The following LRIG2 variants were observed in gnomAD, a reference collection of about 807,000 sequenced individuals.
LRIG2 encodes the protein leucine rich repeats and immunoglobulin like domains 2.
Under a neutral mutation model 107.8 loss-of-function variants are expected in LRIG2, and 93 were observed. That is an observed-to-expected ratio of 0.86 (90% CI 0.73 to 1.03). The LOEUF is 1.03. LRIG2 is among the 50% of genes least tolerant of loss of function. LRIG2 has a pLI of 0.00. For synonymous variants in LRIG2, 471 were observed against 470.6 expected, an observed-to-expected ratio of 1.00 and a Z score of -0.01; for missense variants, 1,226 against 1,296.0, an observed-to-expected ratio of 0.95 and a Z score of 0.83.
Position 113,107,576 on chromosome 1 carries a change from C to T in LRIG2, c.1314-18C>T. ...AAAAGTAAAACAAAGGATGCTTTTC[C>T]TCTTTTCTTTCCTGCAGGATTCTGA... On this transcript the variant is annotated intron_variant, in intron 11 of 17. Coordinates refer to ENST00000361127, the MANE Select transcript of LRIG2 (RefSeq NM_014813.3). 1.3e-6 allele frequency: 2 copies of T among 1,598,764 alleles called. No homozygotes were observed. Among genetic ancestry groups the T allele is most frequent in the Non-Finnish European group, 1.7e-6 (2 of 1,175,348 alleles).
intron 11 of LRIG2, among the ~76,000 whole-genome samples, chr1:113,104,747 C>G (rs1654460323): frequency 6.6e-6 from 1 of 152,102 alleles, no homozygotes; most frequent in Non-Finnish European, 1.5e-5. Context: ...ATAATATAAG[C>G]TGGACTCAAA....
At chr1:113,119,132 A>G in intron 16 of LRIG2, 101 bp from the exon 17 acceptor site, 1 of 1,077,494 alleles carries the variant, frequency 9.3e-7, no homozygotes. Flanking sequence ...AGTGCTCAAT[A>G]CATGCTAGCA....
rs906333054 is a variant in LRIG2, at chr1:113,110,524, G to A, written c.1760G>A (p.Gly587Asp). ...CAGTGTATTGTTACTAATCACTTTG[G>A]TTCTAATTATTCTCAGAAAGCCAAA... ...KYQCIVTNHF[G>D]SNYSQKAKLT... Residue 587 changes from glycine (G) to aspartate (D), a missense_variant, in exon 13 of 18, where the codon GGT becomes GAT. This residue lies in a region of LRIG2 where 642 missense variants were observed against 712.2 expected (regional missense o/e 0.90). Transcript: ENST00000361127. 6 of 1,611,300 alleles carry A rather than the reference G, an allele frequency of 3.7e-6. No individual in the cohort carries two copies. The highest frequency in any genetic ancestry group is 5.1e-6 in the Non-Finnish European group (6 of 1,177,694).
intron 11 of LRIG2, among the ~76,000 whole-genome samples, chr1:113,105,414 T>C (rs1255373358): frequency 1.3e-5 from 2 of 152,198 alleles, no homozygotes; most frequent in African/African-American, 4.8e-5. Flanking sequence ...AGTGGTACTT[T>C]CTAATTTTCT....
chr1:113,096,417 A>G (rs1654072893), intron 8 of LRIG2, 52 bp downstream of exon 8: 2 of 1,548,602 alleles, frequency 1.3e-6, no homozygotes, highest in South Asian at 1.2e-5. Flanking sequence ...TTTTTAGTAC[A>G]ATAAAGCAAA....
chr1:113,074,259 A>G (rs1308390357), intron 1 of LRIG2, among the ~76,000 whole-genome samples: 2 of 152,232 alleles, frequency 1.3e-5, no homozygotes, highest in African/African-American at 4.8e-5. Context: ...TTTAAACTTC[A>G]CTGTAAAGAG....
chr1:113,101,739 A>G (rs1051639458), intron 11 of LRIG2, among the ~76,000 whole-genome samples: 5 of 152,208 alleles, frequency 3.3e-5, no homozygotes, highest in Admixed American at 6.5e-5. Flanking sequence ...CTGTTAGCCT[A>G]TGACTCAGTT....
intron 17 of LRIG2, among the ~76,000 whole-genome samples, chr1:113,120,710 A>G (rs1655212041): frequency 6.6e-6 from 1 of 151,056 alleles, no homozygotes; most frequent in Admixed American, 6.6e-5. Context: ...GGGTTTCTCC[A>G]TGTTGGTCAG....
At position 113,119,352 on chromosome 1, in the gene LRIG2, C is replaced by T; in HGVS notation, c.2800C>T (p.Leu934=). The change falls in exon 17 of 18, where the codon CTG becomes TTG. Residue 934 remains leucine, a synonymous_variant. Transcript: ENST00000361127. ...TGAGGAGGACGTTCTTGATCAGACA[C>T]TGTCCAGCCTCATGGTCCAAATGCC... ...IAEEDVLDQT[L]SSLMVQMPKE... 2 of 1,614,092 alleles carry T rather than the reference C, an allele frequency of 1.2e-6. No individual in the cohort carries two copies. Among genetic ancestry groups the T allele is most frequent in the Non-Finnish European group, 8.5e-7 (1 of 1,180,018 alleles).
At position 113,112,628 on chromosome 1, in the gene LRIG2, C is replaced by A; in HGVS notation, c.1948C>A (p.Arg650Ser). 6.2e-7 allele frequency: 1 copy of A among 1,614,174 alleles called. No homozygotes were observed. Among genetic ancestry groups the A allele is most frequent in the South Asian group, 1.1e-5 (1 of 91,090 alleles). ...GTDFPAARER[R>S]MHVMPEDDVF... is the part of the protein sequence containing the mutation. ...TGACTTTCCTGCGGCTCGAGAAAGA[C>A]GCATGCACGTCATGCCCGAGGATGA... The change falls in exon 14 of 18, where the codon CGC becomes AGC. Residue 650 changes from arginine (R) to serine (S), a missense_variant. Around this residue, in one of 3 missense-constraint regions of LRIG2, gnomAD observed 642 missense variants for 712.2 expected, o/e 0.90. Transcript: ENST00000361127.
rs780891386 is a variant in LRIG2, at chr1:113,098,704, G to A, written c.1092-1G>A. ...CCTGTCTTTCTCTGACATTTTTGTAGAGACTTAAGAAACAATGAAATTTCA... is the reference window on the plus strand; with the variant it reads ...CCTGTCTTTCTCTGACATTTTTGTAAAGACTTAAGAAACAATGAAATTTCA... On this transcript the variant is annotated splice_acceptor_variant, in intron 8 of 17. Transcript: ENST00000361127. LOFTEE classifies it high-confidence loss of function. 4.4e-6 allele frequency: 7 copies of A among 1,604,848 alleles called. No homozygotes were observed. In the Admixed American group the frequency reaches 1.2e-4, roughly 27 times the overall value.
rs1287472457 is a variant in LRIG2 at position 113,126,189 on chromosome 1, A to G, written c.*2088A>G. 1 of 152,132 alleles carries G rather than the reference A, an allele frequency of 6.6e-6. No individual in the cohort carries two copies. Among genetic ancestry groups the G allele is most frequent in the Admixed American group, 6.5e-5 (1 of 15,276 alleles). 9.4% of individuals were successfully genotyped at this position (152,132 alleles called of 1,614,324 possible). A position where few individuals can be genotyped will look rare whatever the true frequency, so the allele number is the denominator to read the frequency against. ...CTATGGGTCAGTTATTTGCTCTCTCAATGTCTCATGTTGCTGAGTTCTAGA... is the reference window on the plus strand; with the variant it reads ...CTATGGGTCAGTTATTTGCTCTCTCGATGTCTCATGTTGCTGAGTTCTAGA... On this transcript the variant is annotated 3_prime_UTR_variant, in exon 18 of 18. Transcript: ENST00000361127.
chr1:113,121,450 G>T (rs1570777500), intron 17 of LRIG2, among the ~76,000 whole-genome samples: 1 of 151,882 alleles, frequency 6.6e-6, no homozygotes, highest in East Asian at 1.9e-4. Flanking sequence ...AGTGGAATAG[G>T]GTAGGAGGTC....
At chr1:113,082,668 AT>A (rs1354725200) in intron 1 of LRIG2, among the ~76,000 whole-genome samples, 2 of 152,052 alleles carry the variant, frequency 1.3e-5, no homozygotes, top group Non-Finnish European at 2.9e-5. Flanking sequence ...TTATTTATTT[AT>A]TTGAGACGAA....
intron 17 of LRIG2, 24 bp from the exon 18 acceptor site, chr1:113,123,851 A>C: frequency 6.3e-7 from 1 of 1,597,690 alleles, no homozygotes; most frequent in Admixed American, 1.7e-5. Context: ...GTCACTACTG[A>C]TAATTCTTGT....
chr1:113,105,352 T>C (rs1654490905), intron 11 of LRIG2, among the ~76,000 whole-genome samples: 1 of 152,138 alleles, frequency 6.6e-6, no homozygotes, highest in Non-Finnish European at 1.5e-5. Flanking sequence ...ATATTGCTAG[T>C]GGTTGTCTTT....
Position 113,125,866 on chromosome 1 carries a change from G to GAAAT in LRIG2, c.*1767_*1770dup, listed in dbSNP as rs553370385. ...TGTGAACAGGAATTCTTTTGGTAGT[G>GAAAT]AAATAGGTGCTCACACCTGCTTGCT... On this transcript the variant is annotated 3_prime_UTR_variant, in exon 18 of 18. Coordinates refer to ENST00000361127, the MANE Select transcript of LRIG2 (RefSeq NM_014813.3). 60 of 152,346 alleles carry GAAAT rather than the reference G, an allele frequency of 3.9e-4. No individual in the cohort carries two copies. Among genetic ancestry groups the GAAAT allele is most frequent in the African/African-American group, 1.4e-3 (58 of 41,592 alleles). 9.4% of individuals were successfully genotyped at this position (152,346 alleles called of 1,614,324 possible).
Position 113,124,315 on chromosome 1 carries a change from G to A in LRIG2, c.*214G>A, listed in dbSNP as rs867304519. The A allele has an allele frequency of 9.1e-5, 53 of 580,898 alleles. No individual in the cohort carries two copies. The highest frequency in any genetic ancestry group is 6.2e-4 in the African/African-American group (33 of 53,598). The allele number at this position is 580,898 out of a possible 1,614,324, so 36.0% of individuals were successfully genotyped here. Reference sequence around the variant, plus strand: ...GAAATGGGTACAGCTCATCAAAAATGTGCAGCACCGGCAGAGGGAAGATAC... The same window carrying A: ...GAAATGGGTACAGCTCATCAAAAATATGCAGCACCGGCAGAGGGAAGATAC... On this transcript the variant is annotated 3_prime_UTR_variant, in exon 18 of 18. Transcript: ENST00000361127.
Position 113,124,201 on chromosome 1 carries a change from CTCTT to C in LRIG2, c.*106_*109del, listed in dbSNP as rs1176398510. 2.9e-6 allele frequency: 3 copies of C among 1,043,710 alleles called. No individual in the cohort carries two copies. Among genetic ancestry groups the C allele is most frequent in the Admixed American group, 4.3e-5 (2 of 46,886 alleles). 64.7% of individuals were successfully genotyped at this position (1,043,710 alleles called of 1,614,324 possible). On this transcript the variant is annotated 3_prime_UTR_variant, in exon 18 of 18. Coordinates refer to ENST00000361127, the MANE Select transcript of LRIG2 (RefSeq NM_014813.3). ...AACTCCGAAGTCAGCATTTGCTTTA[CTCTT>C]TCTTTATGATTGCATCTGACCGCAC...
Sources: gnomAD v4.1 joint callset for allele counts (sites outside exome capture counted in the v4.1 genomes callset) on GRCh38, gnomAD v4.1.1 for gene constraint, gnomAD v4.1.1 regional missense constraint, MANE v1.5 for transcripts, NCBI Gene and HGNC (gene_info 2026-07-23, HGNC 2026-07-21) for gene names.